The following P2RY8 variants were observed in gnomAD, a reference collection of about 807,000 sequenced individuals.
The protein encoded by P2RY8 is P2Y receptor family member 8, also known as S-geranylgeranyl-glutathione receptor P2RY8.
A neutral mutation model predicts 10.0 loss-of-function variants in P2RY8; 6 were observed. That is an observed-to-expected ratio of 0.60 (90% CI 0.33 to 1.19). The LOEUF is 1.19. Among genes scored for constraint, P2RY8 ranks in the 50% most tolerant of loss-of-function variants. The pLI is 0.04. For synonymous variants in P2RY8, 276 were observed against 252.5 expected (o/e 1.09, Z -0.88); for missense variants, 456 against 542.0 (o/e 0.84, Z 1.58).
intron 1 of P2RY8, among the ~76,000 whole-genome samples, chrX:1,506,845 T>C (rs1333216117): frequency 6.6e-6 from 1 of 151,806 alleles, no homozygotes; most frequent in African/African-American, 2.4e-5. Context: ...GCCCGGCTAA[T>C]TTTTGTATTT....
intron 1 of P2RY8, among the ~76,000 whole-genome samples, chrX:1,518,425 CA>C (rs545400196): frequency 7.9e-4 from 106 of 134,518 alleles, no homozygotes; most frequent in African/African-American, 2.3e-3. Flanking sequence ...GACTCCGTCT[CA>C]AAAAAAAAAA....
rs764732566 is a variant in P2RY8, at chrX:1,476,601, A to G, written c.-24-10019T>C. Among the ~76,000 whole-genome samples, 8 of 152,058 alleles carry G rather than the reference A, an allele frequency of 5.3e-5. No homozygotes were observed. The East Asian group carries it at 5.8e-4, about 11-fold the overall frequency. On this transcript the variant is annotated intron_variant, in intron 1 of 1. Coordinates refer to ENST00000381297, the MANE Select transcript of P2RY8 (RefSeq NM_178129.5). Reference sequence around the variant, plus strand: ...GACTCTGCCTCAAAAAGAAAAAAAAAAAAGAAATATAATGGGTCATATAGA... The same window carrying G: ...GACTCTGCCTCAAAAAGAAAAAAAAGAAAGAAATATAATGGGTCATATAGA...
intron 1 of P2RY8, among the ~76,000 whole-genome samples, chrX:1,490,618 A>T (rs2092036721): frequency 6.8e-6 from 1 of 146,414 alleles, no homozygotes; most frequent in Admixed American, 6.7e-5. Flanking sequence ...GGGGGAATGA[A>T]TGAATGACAT....
chrX:1,510,141 A>G (rs1338438638), intron 1 of P2RY8, among the ~76,000 whole-genome samples: 2 of 152,066 alleles, frequency 1.3e-5, no homozygotes, highest in Non-Finnish European at 1.5e-5. Context: ...ATCTATATCT[A>G]TGTATTACCT....
At chrX:1,499,970 T>C (rs2092159167) in intron 1 of P2RY8, among the ~76,000 whole-genome samples, 1 of 140,912 alleles carries the variant, frequency 7.1e-6, no homozygotes, top group Non-Finnish European at 1.6e-5. Flanking sequence ...GCCATTCTCC[T>C]GCCTCAGCCT....
chrX:1,469,375 C>G (rs2149374711), intron 1 of P2RY8, among the ~76,000 whole-genome samples: 1 of 151,694 alleles, frequency 6.6e-6, no homozygotes, highest in South Asian at 2.1e-4. Context: ...CCATGTTAAC[C>G]AGGCTGGTCT....
chrX:1,473,469 G>A (rs1435715576), intron 1 of P2RY8, among the ~76,000 whole-genome samples: 48 of 140,390 alleles, frequency 3.4e-4, no homozygotes, highest in African/African-American at 1.3e-3. Context: ...AGATGGATGG[G>A]TGGATGTATG....
chrX:1,536,133 G>A (rs1376428079), intron 1 of P2RY8, among the ~76,000 whole-genome samples: 1 of 152,108 alleles, frequency 6.6e-6, no homozygotes, highest in African/African-American at 2.4e-5. Flanking sequence ...CAAGGTCATC[G>A]CCAAGGTCTC....
At chrX:1,493,443 G>GGAGGGA (rs2092084303) in intron 1 of P2RY8, among the ~76,000 whole-genome samples, 2 of 101,622 alleles carry the variant, frequency 2.0e-5, no homozygotes, top group African/African-American at 3.3e-5. Context: ...AGGGAAGGAG[G>GGAGGGA]AGGAAGGAGG....
intron 1 of P2RY8, among the ~76,000 whole-genome samples, chrX:1,473,462 T>G (rs1269966045): frequency 6.9e-6 from 1 of 144,746 alleles, no homozygotes; most frequent in African/African-American, 2.6e-5. Context: ...GATGGGTAGA[T>G]GGATGGGTGG....
chrX:1,518,421 G>T (rs1249734438), intron 1 of P2RY8, among the ~76,000 whole-genome samples: 1 of 59,608 alleles, frequency 1.7e-5, no homozygotes, highest in Non-Finnish European at 3.2e-5. Flanking sequence ...GCGAGACTCC[G>T]TCTCAAAAAA....
At chrX:1,467,016 C>T (rs2091693746) in intron 1 of P2RY8, among the ~76,000 whole-genome samples, 1 of 129,904 alleles carries the variant, frequency 7.7e-6, no homozygotes, top group African/African-American at 3.1e-5. Context: ...AGGTTGAATG[C>T]ATTGTCATAC....
chrX:1,476,796 C>T lies in P2RY8; in HGVS notation c.-24-10214G>A, dbSNP rs139954980. ...TGGTGGGTGGAGCCCAGGGATGGTG[C>T]TCAACACCCTACCATGCACAGGAGG... On this transcript the variant is annotated intron_variant, in intron 1 of 1. Transcript: ENST00000381297. Among the ~76,000 whole-genome samples the T allele has an allele frequency of 3.5e-3, 535 of 152,098 alleles. 2 individuals carry two copies. The highest frequency in any genetic ancestry group is 0.013 in the African/African-American group (520 of 41,498).
At chrX:1,501,175 G>A (rs1305144536) in intron 1 of P2RY8, among the ~76,000 whole-genome samples, 2 of 152,176 alleles carry the variant, frequency 1.3e-5, no homozygotes, top group Non-Finnish European at 2.9e-5. Flanking sequence ...CTACGTCTTG[G>A]AAGGAGGTGG....
intron 1 of P2RY8, among the ~76,000 whole-genome samples, chrX:1,524,805 TCATC>T (rs756684695): frequency 0.47 from 36,489 of 77,108 alleles, 7,969 homozygotes; most frequent in East Asian, 0.75. Flanking sequence ...ATCCATCCAC[TCATC>T]CATCCATCCA....
chrX:1,489,455 A>G lies in P2RY8; in HGVS notation c.-24-22873T>C, dbSNP rs751686920. Among the ~76,000 whole-genome samples, 184 of 152,092 alleles carry G rather than the reference A, an allele frequency of 1.2e-3. 1 individual carries two copies. Among genetic ancestry groups the G allele is most frequent in the African/African-American group, 4.2e-3 (173 of 41,468 alleles). Reference sequence around the variant, plus strand: ...GAGAATGAATATCACTCAGAGATTTACTCCTGCAACAGTGGAGAGAATGAA... The same window carrying G: ...GAGAATGAATATCACTCAGAGATTTGCTCCTGCAACAGTGGAGAGAATGAA... On this transcript the variant is annotated intron_variant, in intron 1 of 1. Transcript: ENST00000381297.
At position 1,466,525 on chromosome X, in the gene P2RY8, C is replaced by T; in HGVS notation, c.34G>A (p.Ala12Thr). 6.2e-7 allele frequency: 1 copy of T among 1,609,444 alleles called. No individual in the cohort carries two copies. The highest frequency in any genetic ancestry group is 8.5e-7 in the Non-Finnish European group (1 of 1,179,408). ...QVPNSTGPDN[A>T]TLQMLRNPAI... is the part of the protein sequence containing the mutation. ...GGGTTCCGCAGCATCTGCAGCGTCGCGTTGTCCGGGCCGGTGCTGTTCGGG... is the reference window on the plus strand; with the variant it reads ...GGGTTCCGCAGCATCTGCAGCGTCGTGTTGTCCGGGCCGGTGCTGTTCGGG... The change falls in exon 2 of 2, where the codon GCG becomes ACG. Residue 12 changes from alanine to threonine, a missense_variant. Physicochemically the swap from Ala to Thr is moderately conservative, Grantham distance 58. Coordinates refer to ENST00000381297, the MANE Select transcript of P2RY8 (RefSeq NM_178129.5).
intron 1 of P2RY8, among the ~76,000 whole-genome samples, chrX:1,481,416 G>C (rs2091933623): frequency 6.6e-6 from 1 of 152,030 alleles, no homozygotes; most frequent in African/African-American, 2.4e-5. Flanking sequence ...CACCTGCCTC[G>C]ACCTCCCAAA....
chrX:1,527,415 CATTT>C (rs1435932157), intron 1 of P2RY8, among the ~76,000 whole-genome samples: 4 of 152,022 alleles, frequency 2.6e-5, no homozygotes, highest in Admixed American at 6.6e-5. Flanking sequence ...TTCACTCATT[CATTT>C]ATCTATTCAT....
Sources: gnomAD v4.1 joint callset for allele counts (sites outside exome capture counted in the v4.1 genomes callset) on GRCh38, gnomAD v4.1.1 for gene constraint, MANE v1.5 for transcripts, NCBI Gene and HGNC (gene_info 2026-07-23, HGNC 2026-07-21) for gene names.